The following DISP1 variants were observed in gnomAD, a reference collection of about 807,000 sequenced individuals.
The protein encoded by DISP1 is dispatched RND transporter family member 1.
In DISP1, 30 loss-of-function variants were observed where a neutral mutation model predicts 37.3. That is an observed-to-expected ratio of 0.80 (90% CI 0.60 to 1.09). DISP1 has a LOEUF of 1.09. Among genes scored for constraint, DISP1 ranks in the 50% least tolerant of loss-of-function variants. The pLI is 0.00. For synonymous variants in DISP1, 634 were observed against 690.2 expected, an observed-to-expected ratio of 0.92 and a Z score of 1.28; for missense variants, 1,598 against 1,879.5, an observed-to-expected ratio of 0.85 and a Z score of 2.77.
chr1:222,842,166 C>A (rs931342556), intron 1 of DISP1, among the ~76,000 whole-genome samples: 2 of 152,022 alleles, frequency 1.3e-5, no homozygotes, highest in African/African-American at 4.8e-5. Context: ...CTTAAATTCA[C>A]ACTTTATTTA....
At position 222,942,883 on chromosome 1, in the gene DISP1, C is replaced by T; in HGVS notation, c.60C>T (p.Thr20=). The change falls in exon 3 of 9, where the codon ACC becomes ACT. Residue 20 remains threonine (T), a synonymous_variant. Transcript: ENST00000675850. Reference sequence around the variant, plus strand: ...TTCTGAGCAACAGCAGCATCGCAACCAGTGCTGCTAACCCGAGTCCCCTCA... The same window carrying T: ...TTCTGAGCAACAGCAGCATCGCAACTAGTGCTGCTAACCCGAGTCCCCTCA... ...FVVLSNSSIA[T]SAANPSPLTP... 6.2e-7 allele frequency: 1 copy of T among 1,614,172 alleles called. No homozygotes were observed. The highest frequency in any genetic ancestry group is 8.5e-7 in the Non-Finnish European group (1 of 1,180,022).
At chr1:222,974,180 T>C (rs912529149) in intron 3 of DISP1, among the ~76,000 whole-genome samples, 1 of 152,182 alleles carries the variant, frequency 6.6e-6, no homozygotes, top group Non-Finnish European at 1.5e-5. Context: ...GATGAAAAAA[T>C]AACAGTGTGG....
intron 1 of DISP1, among the ~76,000 whole-genome samples, chr1:222,895,509 G>A (rs115992970): frequency 0.011 from 1,739 of 152,256 alleles, 33 homozygotes; most frequent in African/African-American, 0.04. Flanking sequence ...TTTCCTTTGT[G>A]AGGGAATGCT....
intron 1 of DISP1, among the ~76,000 whole-genome samples, chr1:222,838,058 T>A (rs1667354302): frequency 6.6e-6 from 1 of 152,106 alleles, no homozygotes; most frequent in Non-Finnish European, 1.5e-5. Flanking sequence ...GCCATTTAAA[T>A]TTTTTTCCCA....
In DISP1 at chr1:222,942,939, A is replaced by G. The variant is rs1674490165; in HGVS notation, c.116A>G (p.Gln39Arg). The G allele has an allele frequency of 6.2e-7, 1 of 1,614,058 alleles. No individual in the cohort carries two copies. The highest frequency in any genetic ancestry group is 1.1e-5 in the South Asian group (1 of 91,080). Reference sequence around the variant, plus strand: ...TGTGATGGAGACCATGCAGCCCAGCAGCTCACACCCAAAGAAGCAACAAGA... The same window carrying G: ...TGTGATGGAGACCATGCAGCCCAGCGGCTCACACCCAAAGAAGCAACAAGA... ...TPCDGDHAAQ[Q>R]LTPKEATRTK... The change falls in exon 3 of 9, where the codon CAG (glutamine) becomes CGG (arginine). Residue 39 changes from glutamine to arginine, a missense_variant. Physicochemically the swap from Gln to Arg is conservative, Grantham distance 43. Transcript: ENST00000675850.
chr1:222,918,728 G>A (rs1672635026), intron 1 of DISP1, among the ~76,000 whole-genome samples: 2 of 152,218 alleles, frequency 1.3e-5, no homozygotes, highest in South Asian at 2.1e-4. Context: ...GCTATTGCAC[G>A]AGAAGAATAA....
intron 1 of DISP1, among the ~76,000 whole-genome samples, chr1:222,877,082 G>A (rs945999541): frequency 1.6e-4 from 25 of 152,128 alleles, no homozygotes; most frequent in Admixed American, 2.6e-4. Flanking sequence ...CTGCTTCTTC[G>A]TGATTCTGGC....
intron 3 of DISP1, among the ~76,000 whole-genome samples, chr1:222,972,665 T>G (rs969941526): frequency 6.6e-6 from 1 of 152,204 alleles, no homozygotes. Context: ...AAACCTTAAT[T>G]CTAATTCTGT....
At chr1:222,845,479 A>G (rs1228065026) in intron 1 of DISP1, among the ~76,000 whole-genome samples, 1 of 152,196 alleles carries the variant, frequency 6.6e-6, no homozygotes, top group Non-Finnish European at 1.5e-5. Flanking sequence ...TACTTTTTCC[A>G]TGTAAGAGAC....
At chr1:222,960,580 G>C (rs1483700421) in intron 3 of DISP1, among the ~76,000 whole-genome samples, 1 of 151,988 alleles carries the variant, frequency 6.6e-6, no homozygotes, top group Non-Finnish European at 1.5e-5. Flanking sequence ...CAAGCGCAAA[G>C]TAATCCAAAA....
chr1:222,945,020 A>C (rs900571472), intron 3 of DISP1, among the ~76,000 whole-genome samples: 2 of 152,186 alleles, frequency 1.3e-5, no homozygotes, highest in South Asian at 2.1e-4. Context: ...TCTACAAAAA[A>C]AAAAGGGAAA....
At chr1:222,973,388 C>T (rs1172547349) in intron 3 of DISP1, among the ~76,000 whole-genome samples, 2 of 151,992 alleles carry the variant, frequency 1.3e-5, no homozygotes, top group African/African-American at 2.4e-5. Context: ...AATATATTTA[C>T]GTATTTTGTA....
At chr1:222,970,158 C>T (rs1433772775) in intron 3 of DISP1, among the ~76,000 whole-genome samples, 1 of 152,120 alleles carries the variant, frequency 6.6e-6, no homozygotes, top group Non-Finnish European at 1.5e-5. Flanking sequence ...CTAGACGATT[C>T]CTGAGCAATC....
chr1:222,851,779 T>TG (rs1366402349), intron 1 of DISP1, among the ~76,000 whole-genome samples: 1 of 151,876 alleles, frequency 6.6e-6, no homozygotes, highest in Non-Finnish European at 1.5e-5. Flanking sequence ...AATATTTCTT[T>TG]TTTTTTTTTT....
At position 222,863,208 on chromosome 1, in the gene DISP1, G is replaced by A. The variant is rs116054040; in HGVS notation, c.-159+48130G>A. Among the ~76,000 whole-genome samples the A allele has an allele frequency of 5.3e-3, 809 of 152,152 alleles. 2 individuals carry two copies. The highest frequency in any genetic ancestry group is 0.024 in the Middle Eastern group (7 of 294). On this transcript the variant is annotated intron_variant, in intron 1 of 8. Transcript: ENST00000675850. ...AGGGTATTTCCACTGTAAAGTTGCC[G>A]TATTTTCCTTGGTGTAATTTGTGGG...
At chr1:222,980,329 G>A (rs1392323194) in intron 3 of DISP1, among the ~76,000 whole-genome samples, 1 of 152,138 alleles carries the variant, frequency 6.6e-6, no homozygotes, top group African/African-American at 2.4e-5. Context: ...AGGATACAGA[G>A]GCACAGAGAG....
chr1:222,859,490 A>G (rs1311964987), intron 1 of DISP1, among the ~76,000 whole-genome samples: 1 of 152,218 alleles, frequency 6.6e-6, no homozygotes, highest in Non-Finnish European at 1.5e-5. Flanking sequence ...AGAACTTAAA[A>G]TTTAAAAAAG....
At chr1:222,917,218 AG>A (rs1672542913) in intron 1 of DISP1, among the ~76,000 whole-genome samples, 1 of 146,428 alleles carries the variant, frequency 6.8e-6, no homozygotes, top group African/African-American at 2.5e-5. Context: ...GTTTCTTTTA[AG>A]TTTTCATTTC....
chr1:222,847,904 G>A (rs951208757), intron 1 of DISP1, among the ~76,000 whole-genome samples: 4 of 151,902 alleles, frequency 2.6e-5, no homozygotes, highest in African/African-American at 9.7e-5. Context: ...TTTTTTAATG[G>A]CTTTTGGCTT....
Sources: allele counts gnomAD v4.1 joint callset (sites outside exome capture counted in the v4.1 genomes callset), GRCh38; gene constraint gnomAD v4.1.1; transcripts MANE v1.5; gene names NCBI Gene and HGNC (gene_info 2026-07-23, HGNC 2026-07-21).